The following DMD variants were observed in gnomAD, a reference collection of about 807,000 sequenced individuals.
The protein encoded by DMD is mutant dystrophin.
Under a neutral mutation model 330.1 loss-of-function variants are expected in DMD, and 63 were observed. The ratio of observed to expected loss-of-function variants is 0.19; its 90% CI spans 0.16 to 0.24. The LOEUF (loss-of-function observed/expected upper bound fraction) is 0.24. Ranked by LOEUF, DMD falls within the 10% of genes least tolerant of loss-of-function variation. DMD has a pLI of 1.00. For synonymous variants in DMD, 1,223 were observed against 959.8 expected (o/e 1.27, Z -5.07); for missense variants, 3,344 against 2,684.1 (o/e 1.25, Z -5.43).
At chrX:33,031,485 C>G (rs2094112833) in intron 1 of DMD, among the ~76,000 whole-genome samples, 1 of 110,930 alleles carries the variant, frequency 9.0e-6, no homozygotes, top group East Asian at 2.8e-4. Context: ...TTAGAAAAGA[C>G]TCATAGGCCG....
intron 7 of DMD, among the ~76,000 whole-genome samples, chrX:32,774,298 T>C (rs2073929440): frequency 8.9e-6 from 1 of 112,237 alleles, no homozygotes; most frequent in African/African-American, 3.2e-5. Context: ...ATTCGTAAGA[T>C]GCAACTTCTC....
At chrX:32,964,359 A>G (rs2092041448) in intron 2 of DMD, among the ~76,000 whole-genome samples, 1 of 110,108 alleles carries the variant, frequency 9.1e-6, no homozygotes, top group Non-Finnish European at 1.9e-5. Flanking sequence ...TGAAGCATTT[A>G]CTCTGCTTTG....
intron 47 of DMD, among the ~76,000 whole-genome samples, chrX:31,920,622 G>A (rs2149927695): frequency 8.9e-6 from 1 of 112,146 alleles, no homozygotes; most frequent in South Asian, 3.7e-4. Context: ...ACACCTTTGT[G>A]CTAATAAAGG....
chrX:31,328,910 C>T lies in DMD; in HGVS notation c.9164-5252G>A, dbSNP rs923269646. 1.2e-4 allele frequency among the ~76,000 whole-genome samples: 14 copies of T among 112,199 alleles called. No individual in the cohort carries two copies. In the Admixed American group the frequency reaches 1.3e-3, roughly 11 times the overall value. ...TCCACTCCTAACTACTGTTAATGTG[C>T]CACATGTAGTATAAAGTATGGCAGA... On this transcript the variant is annotated intron_variant, in intron 61 of 78. Coordinates refer to ENST00000357033, the MANE Select transcript of DMD (RefSeq NM_004006.3).
chrX:31,659,290 C>T (rs1393683116), intron 53 of DMD, among the ~76,000 whole-genome samples: 1 of 110,966 alleles, frequency 9.0e-6, no homozygotes, highest in Non-Finnish European at 1.9e-5. Context: ...ATAAAATCTT[C>T]AAAAGAAGAT....
At chrX:31,372,079 G>A (rs2059614596) in intron 60 of DMD, among the ~76,000 whole-genome samples, 1 of 111,558 alleles carries the variant, frequency 9.0e-6, no homozygotes, top group Non-Finnish European at 1.9e-5. Context: ...TGAGCTTAAT[G>A]GGGGTGCTGG....
chrX:33,126,146 C>A (rs1465560311), intron 1 of DMD, among the ~76,000 whole-genome samples: 1 of 111,520 alleles, frequency 9.0e-6, no homozygotes. Flanking sequence ...AATTTTACTG[C>A]CAGTTTCAGC....
chrX:32,715,228 C>T (rs1175677319), intron 7 of DMD, among the ~76,000 whole-genome samples: 1 of 110,320 alleles, frequency 9.1e-6, no homozygotes, highest in Non-Finnish European at 1.9e-5. Context: ...CCTGTAATCC[C>T]AGCACTTTGG....
chrX:32,799,408 A>G (rs1456957637), intron 7 of DMD, among the ~76,000 whole-genome samples: 1 of 111,617 alleles, frequency 9.0e-6, no homozygotes, highest in African/African-American at 3.2e-5. Flanking sequence ...GTAAATAAGT[A>G]AGAACATTTC....
chrX:33,261,353 C>G (rs2052952097), intron 1 of DMD, among the ~76,000 whole-genome samples: 1 of 110,197 alleles, frequency 9.1e-6, no homozygotes, highest in Admixed American at 9.7e-5. Context: ...AGGACTTAGA[C>G]ACAATCTTGG....
Position 33,306,578 on chromosome X carries a change from T to C in DMD, c.7+32681A>G, listed in dbSNP as rs374091745. 3.6e-5 allele frequency among the ~76,000 whole-genome samples: 4 copies of C among 110,334 alleles called. No individual in the cohort carries two copies. In the East Asian group the frequency reaches 8.6e-4, roughly 24 times the overall value. ...GGTAGAAGTAGGGCTGTGATGGGTG[T>C]GGGGGACATGGAGGGGAAAGGCAAA... On this transcript the variant is annotated intron_variant, in intron 1 of 17. Transcript: ENST00000288447.
At chrX:32,342,343 A>G in intron 40 of DMD, 61 bp from the exon 41 acceptor site, 1 of 1,130,049 alleles carries the variant, frequency 8.8e-7, no homozygotes, top group Non-Finnish European at 1.2e-6. Context: ...ACCGACTTGC[A>G]AGCAGCAAAT....
At chrX:33,023,170 C>T (rs1470279966) in intron 1 of DMD, among the ~76,000 whole-genome samples, 1 of 111,651 alleles carries the variant, frequency 9.0e-6, no homozygotes, top group African/African-American at 3.2e-5. Context: ...TTTAAATTCC[C>T]CATAAATACA....
At chrX:31,687,493 C>A (rs767402393) in intron 52 of DMD, among the ~76,000 whole-genome samples, 12 of 111,202 alleles carry the variant, frequency 1.1e-4, no homozygotes, top group African/African-American at 3.9e-4. Context: ...GATGGAAGAG[C>A]CCTTGGGCTT....
At chrX:32,051,089 C>T (rs748343831) in intron 44 of DMD, among the ~76,000 whole-genome samples, 2 of 107,729 alleles carry the variant, frequency 1.9e-5, no homozygotes, top group African/African-American at 6.8e-5. Context: ...GCTGGGATTA[C>T]AGGTGTGAGT....
intron 1 of DMD, among the ~76,000 whole-genome samples, chrX:33,246,868 T>C (rs138095879): frequency 0.017 from 1,885 of 109,920 alleles, 37 homozygotes; most frequent in African/African-American, 0.059. Flanking sequence ...GTAGTTTTAG[T>C]AGAGACGGGG....
intron 55 of DMD, among the ~76,000 whole-genome samples, chrX:31,518,399 C>T (rs1434700633): frequency 1.8e-5 from 2 of 111,364 alleles, no homozygotes. Flanking sequence ...ATTGGGTGAG[C>T]ATTTCCTGCA....
chrX:32,815,520 T>TATATATATATATATATATATACACAC, intron 6 of DMD, among the ~76,000 whole-genome samples: 1 of 78,959 alleles, frequency 1.3e-5, no homozygotes, highest in African/African-American at 5.3e-5. Context: ...TATATATATA[T>TATATATATATATATATATATACACAC]ACACACACAC....
At chrX:33,055,948 G>C (rs2094511880) in intron 1 of DMD, among the ~76,000 whole-genome samples, 1 of 110,003 alleles carries the variant, frequency 9.1e-6, no homozygotes, top group African/African-American at 3.3e-5. Flanking sequence ...TCTCAACCTA[G>C]AGACTATATC....
Sources: gnomAD v4.1 joint callset for allele counts (sites outside exome capture counted in the v4.1 genomes callset) on GRCh38, gnomAD v4.1.1 for gene constraint, MANE v1.5 for transcripts, NCBI Gene and HGNC (gene_info 2026-07-23, HGNC 2026-07-21) for gene names.